The following PTPRM variants were observed in gnomAD, a reference collection of about 807,000 sequenced individuals.
The protein encoded by PTPRM is receptor-type tyrosine-protein phosphatase mu.
Under a neutral mutation model 186.7 loss-of-function variants are expected in PTPRM, and 47 were observed. The observed-to-expected ratio is 0.25, with a 90% confidence interval of 0.20 to 0.32. The LOEUF is 0.32. PTPRM is among the 10% of genes least tolerant of loss of function. The pLI, the probability that PTPRM is intolerant of heterozygous loss-of-function variation, is 1.00. For missense variants in PTPRM, 1,494 were observed against 1,865.0 expected, an observed-to-expected ratio of 0.80 and a Z score of 3.66; for synonymous variants, 668 against 674.9, an observed-to-expected ratio of 0.99 and a Z score of 0.16.
chr18:7,844,461 A>C (rs2046495086), intron 2 of PTPRM, among the ~76,000 whole-genome samples: 1 of 152,148 alleles, frequency 6.6e-6, no homozygotes, highest in Non-Finnish European at 1.5e-5. Flanking sequence ...TAAAGAGACA[A>C]GTTATCTCCC....
intron 1 of PTPRM, among the ~76,000 whole-genome samples, chr18:7,605,422 C>CCCCG (rs1383716094): frequency 6.6e-6 from 1 of 151,040 alleles, no homozygotes; most frequent in African/African-American, 2.5e-5. Context: ...AAAAATGTCC[C>CCCCG]CCCCCCACTT....
intron 14 of PTPRM, among the ~76,000 whole-genome samples, chr18:8,199,804 G>A (rs183197693): frequency 1.5e-4 from 23 of 152,220 alleles, no homozygotes; most frequent in African/African-American, 4.6e-4. Flanking sequence ...CAAAGAGTGC[G>A]TTTTGTTCCC....
At chr18:7,642,952 A>T (rs2038480076) in intron 1 of PTPRM, among the ~76,000 whole-genome samples, 1 of 151,636 alleles carries the variant, frequency 6.6e-6, no homozygotes, top group South Asian at 2.1e-4. Flanking sequence ...TTGGGGTGAT[A>T]GTATTTGGGA....
At chr18:7,914,330 G>A (rs1439001891) in intron 4 of PTPRM, among the ~76,000 whole-genome samples, 1 of 152,056 alleles carries the variant, frequency 6.6e-6, no homozygotes, top group African/African-American at 2.4e-5. Context: ...AGTTTTCTCT[G>A]ATAAGAATGT....
At chr18:7,571,913 C>G (rs573988923) in intron 1 of PTPRM, among the ~76,000 whole-genome samples, 2 of 152,124 alleles carry the variant, frequency 1.3e-5, no homozygotes, top group Non-Finnish European at 2.9e-5. Context: ...TTTTAAAGCA[C>G]CCTTTGCAAA....
intron 22 of PTPRM, among the ~76,000 whole-genome samples, chr18:8,323,193 G>C (rs1369354611): frequency 6.6e-6 from 1 of 152,060 alleles, no homozygotes; most frequent in Non-Finnish European, 1.5e-5. Flanking sequence ...ACCATGCAAG[G>C]CTGTTACTGA....
intron 2 of PTPRM, among the ~76,000 whole-genome samples, chr18:7,842,687 A>G (rs1464014394): frequency 6.6e-6 from 1 of 151,520 alleles, no homozygotes; most frequent in Non-Finnish European, 1.5e-5. Context: ...TAACATAGAA[A>G]CCCTGCCTGA....
rs887686928 is a variant in PTPRM at position 8,226,515 on chromosome 18, A to G, written c.2301-17543A>G. Among the ~76,000 whole-genome samples, 5 of 152,308 alleles carry G rather than the reference A, an allele frequency of 3.3e-5. No individual in the cohort carries two copies. In the East Asian group the frequency reaches 9.6e-4, roughly 29 times the overall value. ...AAAAGGCATTTTTTACAATAAAGTG[A>G]CAGTTGTTTAGGATAAATTAATAAG... On this transcript the variant is annotated intron_variant, in intron 14 of 32. Transcript: ENST00000580170.
Position 8,376,612 on chromosome 18 carries a change from C to G in PTPRM, c.3462+15C>G, listed in dbSNP as rs2095696939. 1 of 1,606,380 alleles carries G rather than the reference C, an allele frequency of 6.2e-7. No homozygotes were observed. Among genetic ancestry groups the G allele is most frequent in the Non-Finnish European group, 8.5e-7 (1 of 1,176,556 alleles). ...TGCAAACAGAGGTACTCCCGCTCAT[C>G]ACCTAGCCTGGGGCCTTGGTCCCTG... On this transcript the variant is annotated intron_variant, in intron 26 of 32. Coordinates refer to ENST00000580170, the MANE Select transcript of PTPRM (RefSeq NM_001105244.2).
intron 14 of PTPRM, among the ~76,000 whole-genome samples, chr18:8,149,714 C>T (rs1422937903): frequency 1.3e-5 from 2 of 151,960 alleles, no homozygotes; most frequent in South Asian, 2.1e-4. Flanking sequence ...TTATTTTGCC[C>T]GTTAGTTCAT....
chr18:7,655,052 A>AT (rs2038815481), intron 1 of PTPRM, among the ~76,000 whole-genome samples: 1 of 152,172 alleles, frequency 6.6e-6, no homozygotes, highest in Non-Finnish European at 1.5e-5. Flanking sequence ...CAGTATGGCC[A>AT]TTTTAATGAT....
At chr18:7,790,336 A>T (rs2043280254) in intron 2 of PTPRM, among the ~76,000 whole-genome samples, 1 of 152,170 alleles carries the variant, frequency 6.6e-6, no homozygotes, top group South Asian at 2.1e-4. Flanking sequence ...GCACGTTTAA[A>T]TCCCATGTGA....
intron 20 of PTPRM, among the ~76,000 whole-genome samples, chr18:8,307,229 T>A (rs1192291479): frequency 6.6e-6 from 1 of 152,190 alleles, no homozygotes; most frequent in African/African-American, 2.4e-5. Flanking sequence ...TACCTATTTC[T>A]TGTATTCTGG....
At chr18:7,752,298 G>A (rs1309688995) in intron 1 of PTPRM, among the ~76,000 whole-genome samples, 1 of 152,092 alleles carries the variant, frequency 6.6e-6, no homozygotes, top group Non-Finnish European at 1.5e-5. Flanking sequence ...TGTCATTTGA[G>A]CTTATTCTTT....
chr18:7,941,128 C>A (rs900694683), intron 5 of PTPRM, among the ~76,000 whole-genome samples: 2 of 152,172 alleles, frequency 1.3e-5, no homozygotes, highest in East Asian at 3.9e-4. Context: ...TCCTCTCCCC[C>A]TCATTCTCAG....
intron 7 of PTPRM, among the ~76,000 whole-genome samples, chr18:8,057,278 T>C (rs1437445462): frequency 6.6e-6 from 1 of 152,028 alleles, no homozygotes; most frequent in African/African-American, 2.4e-5. Flanking sequence ...TATTAGTGGA[T>C]ACACAGAATA....
chr18:7,978,990 A>G (rs539752326), intron 7 of PTPRM, among the ~76,000 whole-genome samples: 2 of 152,300 alleles, frequency 1.3e-5, no homozygotes, highest in East Asian at 3.9e-4. Context: ...TCACTGAGCC[A>G]TAGGCCCGTG....
chr18:8,121,276 A>T (rs2092161750), intron 13 of PTPRM, among the ~76,000 whole-genome samples: 1 of 152,320 alleles, frequency 6.6e-6, no homozygotes, highest in Admixed American at 6.5e-5. Flanking sequence ...AATTGTCTGC[A>T]GATGGTAGAT....
chr18:8,227,773 T>A (rs2094232490), intron 14 of PTPRM, among the ~76,000 whole-genome samples: 1 of 152,174 alleles, frequency 6.6e-6, no homozygotes, highest in Non-Finnish European at 1.5e-5. Flanking sequence ...TGCTGCAGAG[T>A]GACATTTTTG....
Sources: allele counts gnomAD v4.1 joint callset (sites outside exome capture counted in the v4.1 genomes callset), GRCh38; gene constraint gnomAD v4.1.1; transcripts MANE v1.5; gene names NCBI Gene and HGNC (gene_info 2026-07-23, HGNC 2026-07-21).